Variants in NAA11 observed in about 807,000 individuals in gnomAD.
NAA11 encodes the protein N-alpha-acetyltransferase 11.
Under a neutral mutation model 16.1 loss-of-function variants are expected in NAA11, and 15 were observed. The observed-to-expected ratio is 0.93, with a 90% confidence interval of 0.62 to 1.44. The LOEUF (loss-of-function observed/expected upper bound fraction) is 1.44, where lower values mean the gene tolerates loss of function less well. NAA11 is among the 40% of genes most tolerant of loss of function. The probability of loss-of-function intolerance (pLI) is 0.00; values close to 1 mark genes in which losing one functional copy is unlikely to be tolerated. For missense variants in NAA11, 298 were observed against 291.3 expected (o/e 1.02, Z -0.17); for synonymous variants, 122 against 112.4 (o/e 1.09, Z -0.54).
intron 2 of NAA11, among the ~76,000 whole-genome samples, chr4:79,253,178 T>G (rs984308281): frequency 6.6e-6 from 1 of 152,188 alleles, no homozygotes; most frequent in African/African-American, 2.4e-5. Context: ...ATATGTAACA[T>G]TTGCCAAGAT....
chr4:79,264,609 T>TC, intron 2 of NAA11, among the ~76,000 whole-genome samples: 1 of 152,174 alleles, frequency 6.6e-6, no homozygotes, highest in Non-Finnish European at 1.5e-5. Context: ...CACGGCCAGA[T>TC]CTCATGTGTA....
At chr4:79,226,039 T>A (rs1721301534) in exon 3 of NAA11, 1 of 152,112 alleles carries the variant, frequency 6.6e-6, no homozygotes, top group African/African-American at 2.4e-5. Flanking sequence ...TACCATAGCA[T>A]CACCAGAGTT....
chr4:79,179,635 G>A, the NAA11 span, among the ~76,000 whole-genome samples: 3 of 152,270 alleles, frequency 2.0e-5, no homozygotes, highest in East Asian at 3.9e-4. Flanking sequence ...TATGGAGGAT[G>A]TCATGATGAA....
At chr4:79,284,515 A>G (rs758935157) in intron 2 of NAA11, among the ~76,000 whole-genome samples, 58 of 152,214 alleles carry the variant, frequency 3.8e-4, no homozygotes, top group Non-Finnish European at 7.9e-4. Flanking sequence ...ATCATAGGTA[A>G]CAGCCTCTAG....
At chr4:79,309,399 T>C (rs1461121420) in intron 1 of NAA11, among the ~76,000 whole-genome samples, 1 of 152,238 alleles carries the variant, frequency 6.6e-6, no homozygotes, top group African/African-American at 2.4e-5. Context: ...TAGCTGTATT[T>C]TCCAACTGAA....
chr4:79,237,397 A>T (rs1435165221), intron 2 of NAA11, among the ~76,000 whole-genome samples: 1 of 152,212 alleles, frequency 6.6e-6, no homozygotes, highest in Non-Finnish European at 1.5e-5. Context: ...AGGTGTGTGC[A>T]CACATGTTTG....
the NAA11 span, among the ~76,000 whole-genome samples, chr4:79,182,630 AC>A: frequency 6.6e-6 from 1 of 152,158 alleles, no homozygotes; most frequent in South Asian, 2.1e-4. Context: ...GAGTGAGCTA[AC>A]CTCCACCACT....
intron 1 of NAA11, among the ~76,000 whole-genome samples, chr4:79,294,489 C>T (rs1042570188): frequency 3.3e-5 from 5 of 152,138 alleles, no homozygotes; most frequent in African/African-American, 1.2e-4. Flanking sequence ...CAAATTTTGG[C>T]AATCATAAAA....
At chr4:79,258,124 T>G (rs943672376) in intron 2 of NAA11, among the ~76,000 whole-genome samples, 1 of 152,194 alleles carries the variant, frequency 6.6e-6, no homozygotes, top group Non-Finnish European at 1.5e-5. Flanking sequence ...TCCAAGTTGG[T>G]GGGGCAGGAG....
At chr4:79,242,315 C>T (rs4519821) in intron 2 of NAA11, among the ~76,000 whole-genome samples, 108,245 of 152,184 alleles carry the variant, frequency 0.71, 40,681 homozygotes, top group East Asian at 0.89. Flanking sequence ...TTTCAGTCCA[C>T]CTGCACTTTG....
the NAA11 span, among the ~76,000 whole-genome samples, chr4:79,169,209 C>A: frequency 6.6e-6 from 1 of 152,068 alleles, no homozygotes; most frequent in Non-Finnish European, 1.5e-5. Flanking sequence ...CAATGCTATC[C>A]CCATCAAGCT....
chr4:79,259,528 C>T (rs914136733), intron 2 of NAA11, among the ~76,000 whole-genome samples: 3 of 152,224 alleles, frequency 2.0e-5, no homozygotes, highest in Non-Finnish European at 4.4e-5. Flanking sequence ...TCACCCTTGG[C>T]AGGCATGGGA....
Position 79,228,565 on chromosome 4 carries a change from G to T in NAA11, c.*123-2295C>A, listed in dbSNP as rs1020801721. 1.9e-4 allele frequency among the ~76,000 whole-genome samples: 25 copies of T among 128,830 alleles called. 1 individual carries two copies. In the Admixed American group the frequency reaches 2.1e-3, roughly 11 times the overall value. 84.5% of individuals were successfully genotyped at this position (128,830 alleles called of 152,430 possible). A position where few individuals can be genotyped will look rare whatever the true frequency, so the allele number is the denominator to read the frequency against. On this transcript the variant is annotated intron_variant and NMD_transcript_variant, in intron 2 of 2. Coordinates refer to the NAA11 transcript ENST00000511542. The stretch of plus-strand genomic sequence containing the variant: ...AATGGAACATAAATTGAATTATATT[G>T]TATGTAGCTTTTTGTGTCTGGATTG...
At chr4:79,313,644 A>G (rs1157314934), downstream of NAA11, among the ~76,000 whole-genome samples, 25 of 152,214 alleles carry the variant, frequency 1.6e-4, no homozygotes, top group Admixed American at 1.6e-3. Context: ...ATAAGGAAAC[A>G]TGGTGTTTAA....
At chr4:79,254,424 T>G (rs952922596) in intron 2 of NAA11, among the ~76,000 whole-genome samples, 48 of 152,288 alleles carry the variant, frequency 3.2e-4, no homozygotes, top group African/African-American at 1.2e-3. Flanking sequence ...AATAAAATGG[T>G]CTAAAGACCA....
chr4:79,180,059 T>C, the NAA11 span, among the ~76,000 whole-genome samples: 3 of 152,150 alleles, frequency 2.0e-5, no homozygotes, highest in Non-Finnish European at 4.4e-5. Flanking sequence ...TTTACCTCCA[T>C]CTGGTCTCTC....
intron 1 of NAA11, among the ~76,000 whole-genome samples, chr4:79,320,629 A>G (rs1207121292): frequency 8.5e-5 from 13 of 152,232 alleles, no homozygotes; most frequent in Non-Finnish European, 2.9e-5. Flanking sequence ...CTTAGAATTA[A>G]TACCTGCAAA....
chr4:79,173,929 C>G, the NAA11 span, among the ~76,000 whole-genome samples: 2 of 151,980 alleles, frequency 1.3e-5, no homozygotes, highest in African/African-American at 4.8e-5. Flanking sequence ...GACAGTGAGG[C>G]CTTTGAGCTG....
the NAA11 span, among the ~76,000 whole-genome samples, chr4:79,160,385 T>A: frequency 1.6e-4 from 25 of 152,218 alleles, no homozygotes; most frequent in Admixed American, 9.8e-4. Context: ...TCTTTTGATA[T>A]ATTATTAAGA....
Sources: allele counts gnomAD v4.1 joint callset (sites outside exome capture counted in the v4.1 genomes callset), GRCh38; gene constraint gnomAD v4.1.1; transcripts MANE v1.5; gene names NCBI Gene and HGNC (gene_info 2026-07-23, HGNC 2026-07-21).